Variants in UNC5D observed in about 807,000 individuals in gnomAD.
The protein encoded by UNC5D is netrin receptor UNC5D.
In UNC5D, 39 loss-of-function variants were observed where a neutral mutation model predicts 105.4. The ratio of observed to expected loss-of-function variants is 0.37; its 90% confidence interval spans 0.29 to 0.48. The LOEUF (loss-of-function observed/expected upper bound fraction) is 0.48, where lower values mean the gene tolerates loss of function less well. Ranked by LOEUF, UNC5D falls within the 20% of genes least tolerant of loss-of-function variation. The pLI is 0.98. For missense variants in UNC5D, 991 were observed against 1,202.4 expected (o/e 0.82, Z 2.60); for synonymous variants, 452 against 450.4 (o/e 1.00, Z -0.04).
At chr8:35,606,910 A>G (rs896251096) in intron 4 of UNC5D, among the ~76,000 whole-genome samples, 3 of 152,164 alleles carry the variant, frequency 2.0e-5, no homozygotes, top group African/African-American at 7.2e-5. Context: ...ATGAGAGGAC[A>G]GGCTGGCTTC....
At chr8:35,677,462 T>C (rs1032521412) in intron 4 of UNC5D, among the ~76,000 whole-genome samples, 3 of 152,100 alleles carry the variant, frequency 2.0e-5, no homozygotes, top group African/African-American at 7.2e-5. Context: ...ACTGCTGGTG[T>C]AGAGAATTTT....
chr8:35,300,431 A>G, intron 1 of UNC5D, among the ~76,000 whole-genome samples: 1 of 111,932 alleles, frequency 8.9e-6, no homozygotes, highest in African/African-American at 3.5e-5. Flanking sequence ...TGGGCAACAG[A>G]GAGAGACTCC....
At chr8:35,316,425 C>G (rs540811580) in intron 1 of UNC5D, among the ~76,000 whole-genome samples, 1 of 152,154 alleles carries the variant, frequency 6.6e-6, no homozygotes, top group African/African-American at 2.4e-5. Context: ...AGATGCTAAT[C>G]CTCATTCTGT....
chr8:35,703,123 A>G (rs1827322063), intron 7 of UNC5D, among the ~76,000 whole-genome samples: 1 of 152,004 alleles, frequency 6.6e-6, no homozygotes, highest in Non-Finnish European at 1.5e-5. Context: ...AGAATCCCCA[A>G]AATTCACTAG....
At position 35,235,839 on chromosome 8, in the gene UNC5D, C is replaced by T. The variant is rs1048625313; in HGVS notation, c.55C>T (p.Pro19Ser). 8 of 1,230,458 alleles carry T rather than the reference C, an allele frequency of 6.5e-6. No individual in the cohort carries two copies. The highest frequency in any genetic ancestry group is 3.0e-4 in the Middle Eastern group (1 of 3,324). 76.2% of individuals were successfully genotyped at this position (1,230,458 alleles called of 1,614,324 possible). ...CGGCGGAGGGGCGCGCCGCTGGCTC[C>T]CGTGGCTGGGGCTGTGCTTCTGGGC... ...GGGGGARRWL[P>S]WLGLCFWAAG... Residue 19 changes from proline (P) to serine (S), a missense_variant, in exon 1 of 17, where the codon CCG (proline) becomes TCG (serine). Physicochemically the swap from Pro to Ser is moderately conservative, Grantham distance 74. Coordinates refer to ENST00000404895, the MANE Select transcript of UNC5D (RefSeq NM_080872.4).
rs775014566 is a variant in UNC5D at position 35,710,934 on chromosome 8, C to CTTTTTTTTTTTTTTTT, written c.1117+4980_1117+4995dup. Among the ~76,000 whole-genome samples the CTTTTTTTTTTTTTTTT allele has an allele frequency of 1.3e-4, 15 of 114,374 alleles. 2 individuals are homozygous for CTTTTTTTTTTTTTTTT. Among genetic ancestry groups the CTTTTTTTTTTTTTTTT allele is most frequent in the African/African-American group, 6.0e-4 (15 of 25,036 alleles). 75.0% of individuals were successfully genotyped at this position (114,374 alleles called of 152,430 possible). A position where few individuals can be genotyped will look rare whatever the true frequency, so the allele number is the denominator to read the frequency against. ...GCCTCTTCAGTAGCTCAGCATTATT[C>CTTTTTTTTTTTTTTTT]TTTTTTTTTTTTTTTTTTTTTTGAG... On this transcript the variant is annotated intron_variant, in intron 8 of 16. Transcript: ENST00000404895.
chr8:35,608,941 T>A (rs114126343), intron 4 of UNC5D, among the ~76,000 whole-genome samples: 1 of 152,270 alleles, frequency 6.6e-6, no homozygotes, highest in African/African-American at 2.4e-5. Context: ...GATTGCAGGA[T>A]CTAATGGTAA....
chr8:35,781,560 ATAG>A (rs1217714775), intron 16 of UNC5D, among the ~76,000 whole-genome samples: 15 of 152,188 alleles, frequency 9.9e-5, no homozygotes, highest in African/African-American at 3.6e-4. Flanking sequence ...GCTGTTTCAA[ATAG>A]TACTGAAAAA....
At chr8:35,437,861 A>AT (rs201801703) in intron 1 of UNC5D, among the ~76,000 whole-genome samples, 23,400 of 143,960 alleles carry the variant, frequency 0.16, 2,035 homozygotes, top group Non-Finnish European at 0.22. Context: ...TGAGCGGTTG[A>AT]TTTTTTTTTT....
chr8:35,764,517 C>A (rs1238638713), intron 14 of UNC5D, among the ~76,000 whole-genome samples: 1 of 152,104 alleles, frequency 6.6e-6, no homozygotes, highest in African/African-American at 2.4e-5. Context: ...GGCAGAACTT[C>A]TAAGTGCATA....
intron 3 of UNC5D, among the ~76,000 whole-genome samples, chr8:35,580,442 A>T (rs1374668236): frequency 6.6e-6 from 1 of 152,122 alleles, no homozygotes; most frequent in East Asian, 1.9e-4. Context: ...CTGATGAGGA[A>T]AAAAAACAAA....
At chr8:35,618,239 G>A (rs569690414) in intron 4 of UNC5D, among the ~76,000 whole-genome samples, 2 of 152,234 alleles carry the variant, frequency 1.3e-5, no homozygotes, top group South Asian at 4.1e-4. Flanking sequence ...TTTTTTCAAC[G>A]CTGTTATCTA....
At chr8:35,645,828 T>C (rs1036211624) in intron 4 of UNC5D, among the ~76,000 whole-genome samples, 7 of 152,106 alleles carry the variant, frequency 4.6e-5, no homozygotes, top group Non-Finnish European at 8.8e-5. Context: ...GAGACATATA[T>C]GTCAAAGAAT....
chr8:35,645,841 T>C (rs765665723), intron 4 of UNC5D, among the ~76,000 whole-genome samples: 21 of 152,112 alleles, frequency 1.4e-4, no homozygotes, highest in Admixed American at 2.6e-4. Context: ...CAAAGAATGA[T>C]AAAACCTAAA....
chr8:35,556,608 T>C (rs995989696), intron 2 of UNC5D, among the ~76,000 whole-genome samples: 1 of 152,254 alleles, frequency 6.6e-6, no homozygotes, highest in Non-Finnish European at 1.5e-5. Flanking sequence ...CCACTGTAGG[T>C]ACAATGCTTG....
chr8:35,490,475 G>T (rs1304889393), intron 1 of UNC5D, among the ~76,000 whole-genome samples: 1 of 151,998 alleles, frequency 6.6e-6, no homozygotes, highest in Non-Finnish European at 1.5e-5. Flanking sequence ...AGCGAGCTGT[G>T]ATTAAGCCAC....
intron 4 of UNC5D, among the ~76,000 whole-genome samples, chr8:35,672,645 T>TTTGA (rs1344928550): frequency 6.6e-6 from 1 of 152,180 alleles, no homozygotes; most frequent in Non-Finnish European, 1.5e-5. Flanking sequence ...CAAGCTGTCT[T>TTTGA]TTGATTACAT....
In UNC5D at chr8:35,440,407, T is replaced by C. The variant is rs921587728; in HGVS notation, c.104-108885T>C. ...GCTGCTTCTCATGAAGGCTGTTTTA[T>C]GAGAAAAATTATTAAAACATGAATT... On this transcript the variant is annotated intron_variant, in intron 1 of 16. Coordinates refer to ENST00000404895, the MANE Select transcript of UNC5D (RefSeq NM_080872.4). Among the ~76,000 whole-genome samples, 8 of 151,984 alleles carry C rather than the reference T, an allele frequency of 5.3e-5. No homozygotes were observed. In the East Asian group the frequency reaches 1.5e-3, roughly 29 times the overall value.
chr8:35,708,723 A>G (rs1827757720), intron 8 of UNC5D, among the ~76,000 whole-genome samples: 1 of 152,146 alleles, frequency 6.6e-6, no homozygotes, highest in African/African-American at 2.4e-5. Context: ...AAATGACTCA[A>G]TACTATACAG....
Sources: gnomAD v4.1 joint callset for allele counts (sites outside exome capture counted in the v4.1 genomes callset) on GRCh38, gnomAD v4.1.1 for gene constraint, MANE v1.5 for transcripts, NCBI Gene and HGNC (gene_info 2026-07-23, HGNC 2026-07-21) for gene names.